The following POMT1 variants were observed in gnomAD, a reference collection of about 807,000 sequenced individuals.
The protein encoded by POMT1 is protein O-mannosyltransferase 1, also known as protein O-mannosyl-transferase 1.
POMT1 carries 85 observed loss-of-function variants against 101.6 expected under a neutral mutation model. The ratio of observed to expected loss-of-function variants is 0.84; its 90% confidence interval spans 0.70 to 1.00. The LOEUF is 1.00. POMT1 is among the 50% of genes least tolerant of loss of function. POMT1 has a pLI of 0.00. For synonymous variants in POMT1, 371 were observed against 383.0 expected (o/e 0.97, Z 0.37); for missense variants, 857 against 930.4 (o/e 0.92, Z 1.03).
rs748365119 is a variant in POMT1, at chr9:131,518,933, G to A, written c.1462G>A (p.Val488Met). ...RGYHGSTVWN[V>M]EEHRYGASQE... ...CTACCACGGGAGCACGGTGTGGAAC[G>A]TGGAGGAGCACCGATACGGCGCGAG... Residue 488 changes from valine (V) to methionine (M), a missense_variant, in exon 15 of 20, where the codon GTG becomes ATG. Coordinates refer to ENST00000402686, the MANE Select transcript of POMT1 (RefSeq NM_001077365.2). 9.3e-6 allele frequency: 15 copies of A among 1,613,570 alleles called. No homozygotes were observed. Among genetic ancestry groups the A allele is most frequent in the Admixed American group, 1.7e-5 (1 of 60,000 alleles).
At chr9:131,510,519 C>G (rs1289099449) in intron 9 of POMT1, 104 bp downstream of exon 9, 9 of 1,397,702 alleles carry the variant, frequency 6.4e-6, no homozygotes, top group Non-Finnish European at 8.9e-6. Flanking sequence ...TGAATCAAAA[C>G]ATGAAGAATC....
chr9:131,511,593 G>A (rs1947125609), intron 10 of POMT1, 126 bp downstream of exon 10: 5 of 1,328,946 alleles, frequency 3.8e-6, no homozygotes, highest in East Asian at 2.4e-5. Flanking sequence ...TGAGCAGCCC[G>A]GGTGCTGATT....
At chr9:131,515,062 A>G (rs912671596) in intron 12 of POMT1, among the ~76,000 whole-genome samples, 1 of 152,252 alleles carries the variant, frequency 6.6e-6, no homozygotes, top group Non-Finnish European at 1.5e-5. Flanking sequence ...CGGGCAGCTC[A>G]GCCCTGCAAG....
intron 13 of POMT1, 134 bp downstream of exon 13, chr9:131,515,656 C>A (rs1385822234): frequency 1.2e-6 from 1 of 821,178 alleles, no homozygotes; most frequent in Non-Finnish European, 2.0e-6. Flanking sequence ...CGGAGCACTT[C>A]CTCTAACACG....
In POMT1 at chr9:131,503,911, T is replaced by C. The variant is rs919031586; in HGVS notation, c.-30-278T>C. Among the ~76,000 whole-genome samples, 3 of 152,140 alleles carry C rather than the reference T, an allele frequency of 2.0e-5. No individual in the cohort carries two copies. Among genetic ancestry groups the C allele is most frequent in the African/African-American group, 7.2e-5 (3 of 41,418 alleles). On this transcript the variant is annotated intron_variant, in intron 1 of 19. Transcript: ENST00000402686. The surrounding 1 kb of genome is among the most constrained non-coding windows in gnomAD (Gnocchi z 4.4). ...GAAACCCTGGCGTTCCTTAGCAGTG[T>C]TCTCGCGCCCAAGACGTGCTCGGCA...
intron 13 of POMT1, among the ~76,000 whole-genome samples, chr9:131,517,179 T>A (rs1370445016): frequency 6.6e-6 from 1 of 151,756 alleles, no homozygotes; most frequent in African/African-American, 2.4e-5. Flanking sequence ...TTGACAGAGT[T>A]AGCACCACGT....
At chr9:131,504,747 A>ATATATG (rs56692415) in intron 2 of POMT1, among the ~76,000 whole-genome samples, 1 of 122,700 alleles carries the variant, frequency 8.1e-6, no homozygotes, top group Non-Finnish European at 1.7e-5. Context: ...TAACTGATTA[A>ATATATG]TGTGTGTATG....
rs1946840541 is a variant in POMT1, at chr9:131,510,331, G to A, written c.771G>A (p.Leu257=). ...TCATCCCGGTCGTCCTGTACTTACT[G>A]TTCTTCTACGTCCACTTGATTCTAG... ...LLVIPVVLYL[L]FFYVHLILVF... The change falls in exon 9 of 20, where the codon CTG becomes CTA. Residue 257 remains leucine (L), a synonymous_variant. Transcript: ENST00000402686. The A allele has an allele frequency of 1.2e-6, 2 of 1,614,198 alleles. No homozygotes were observed. The highest frequency in any genetic ancestry group is 1.7e-6 in the Non-Finnish European group (2 of 1,180,020).
intron 4 of POMT1, among the ~76,000 whole-genome samples, chr9:131,507,124 C>T (rs1224463455): frequency 1.3e-5 from 2 of 151,856 alleles, no homozygotes; most frequent in African/African-American, 4.8e-5. Flanking sequence ...ATAAGTAAGG[C>T]GGTAAATTTT....
intron 13 of POMT1, 127 bp from the exon 14 acceptor site, chr9:131,518,318 C>T: frequency 1.1e-6 from 1 of 878,484 alleles, no homozygotes; most frequent in Admixed American, 1.7e-5. Context: ...TATAGCTTCC[C>T]TCACTTGGGG....
chr9:131,510,366 C>G lies in POMT1; in HGVS notation c.806C>G (p.Ser269Cys). The G allele has an allele frequency of 1.9e-6, 3 of 1,614,214 alleles. No individual in the cohort carries two copies. Among genetic ancestry groups the G allele is most frequent in the Non-Finnish European group, 2.5e-6 (3 of 1,180,036 alleles). Residue 269 changes from serine to cysteine, a missense_variant, in exon 9 of 20, where the codon TCT (serine) becomes TGT (cysteine). Physicochemically the swap from Ser to Cys is moderately radical, Grantham distance 112 (BLOSUM62 -1). Coordinates refer to ENST00000402686, the MANE Select transcript of POMT1 (RefSeq NM_001077365.2). ...GTCCACTTGATTCTAGTCTTCCGCT[C>G]TGGGCCCCACGACCAAATCATGTCC... ...FYVHLILVFR[S>C]GPHDQIMSSA... is the part of the protein sequence containing the mutation.
intron 12 of POMT1, among the ~76,000 whole-genome samples, chr9:131,515,205 G>C (rs1948043723): frequency 6.6e-6 from 1 of 152,172 alleles, no homozygotes; most frequent in Non-Finnish European, 1.5e-5. Context: ...CTTTTCTTTT[G>C]GAGATGTTCC....
Position 131,503,590 on chromosome 9 carries a change from G to C in POMT1, c.-31+517G>C, listed in dbSNP as rs1216483849. Among the ~76,000 whole-genome samples the C allele has an allele frequency of 6.6e-6, 1 of 152,350 alleles. No homozygotes were observed. Among genetic ancestry groups the C allele is most frequent in the South Asian group, 2.1e-4 (1 of 4,828 alleles). Reference sequence around the variant, plus strand: ...GACAGGGTGTCCCAGGCCTGATGCAGCCTCAAGAGAAGCGGAGCTCAAGGG... The same window carrying C: ...GACAGGGTGTCCCAGGCCTGATGCACCCTCAAGAGAAGCGGAGCTCAAGGG... On this transcript the variant is annotated intron_variant, in intron 1 of 19. Transcript: ENST00000402686. The surrounding 1 kb of genome is among the most constrained non-coding windows in gnomAD (Gnocchi z 4.4).
chr9:131,509,104 T>TTTTTG (rs1946510876), intron 6 of POMT1, 82 bp downstream of exon 6: 17 of 972,288 alleles, frequency 1.7e-5, no homozygotes, highest in Admixed American at 1.4e-4. Flanking sequence ...CCAGTACCTT[T>TTTTTG]TTTTGTTTCG....
rs1375280631 is a variant in POMT1 at position 131,512,074 on chromosome 9, A to G, written c.1020A>G (p.Gln340=). 1.9e-6 allele frequency: 3 copies of G among 1,614,150 alleles called. No individual in the cohort carries two copies. The highest frequency in any genetic ancestry group is 2.5e-6 in the Non-Finnish European group (3 of 1,180,016). Residue 340 remains glutamine, a synonymous_variant, in exon 11 of 20, where the codon CAA becomes CAG. Transcript: ENST00000402686. ...ACGGCCGAGGCAGCTCCCACCAGCA[A>G]CAGGTGACCTGTTACCCCTTCAAAG... ...YENGRGSSHQ[Q]QVTCYPFKDV...
Position 131,509,020 on chromosome 9 carries a change from C to A in POMT1, c.537C>A (p.His179Gln), listed in dbSNP as rs1946482954. Residue 179 changes from histidine to glutamine, a missense_variant and splice_region_variant, in exon 6 of 20, where the codon CAC (histidine) becomes CAA (glutamine). Coordinates refer to ENST00000402686, the MANE Select transcript of POMT1 (RefSeq NM_001077365.2). The stretch of plus-strand genomic sequence containing the variant: ...TGAAGTTCTTCAACTGCCAAAAGCA[C>A]AGGTATGGAAAATGGAGTGTCTTCC... ...SYLKFFNCQK[H>Q]SPFSLSWWFW... 6.3e-7 allele frequency: 1 copy of A among 1,599,582 alleles called. No individual in the cohort carries two copies. The highest frequency in any genetic ancestry group is 2.2e-5 in the East Asian group (1 of 44,824).
Position 131,509,789 on chromosome 9 carries a change from G to A in POMT1, c.586G>A (p.Ala196Thr), listed in dbSNP as rs199498900. The change falls in exon 7 of 20, where the codon GCT becomes ACT. Residue 196 changes from alanine (A) to threonine (T), a missense_variant. Ala to Thr is a moderately conservative substitution (Grantham distance 58). Transcript: ENST00000402686. Reference protein sequence around the residue: ...WWFWLTLTGVACSCAVGIKYM... With the variant: ...WWFWLTLTGVTCSCAVGIKYM... ...GTTCTGGCTAACACTGACAGGGGTC[G>A]CTTGTTCCTGTGCAGTGGGGTGAGT... 152 of 1,614,202 alleles carry A rather than the reference G, an allele frequency of 9.4e-5. 1 individual carries two copies. The Admixed American group carries it at 1.4e-3, about 15-fold the overall frequency.
chr9:131,520,540 C>T (rs1483154643), intron 17 of POMT1, among the ~76,000 whole-genome samples: 2 of 152,212 alleles, frequency 1.3e-5, no homozygotes, highest in African/African-American at 4.8e-5. Context: ...TGCCGTCTCT[C>T]CACCCGGCAG....
chr9:131,504,381 G>C (rs1286243380), intron 2 of POMT1, 41 bp downstream of exon 2: 2 of 1,614,084 alleles, frequency 1.2e-6, no homozygotes, highest in Non-Finnish European at 1.7e-6. Context: ...ATCTAGAATT[G>C]TACTTTGTGA....
Sources: allele counts gnomAD v4.1 joint callset (sites outside exome capture counted in the v4.1 genomes callset), GRCh38; gene constraint gnomAD v4.1.1; non-coding constraint Gnocchi (gnomAD v3.1); transcripts MANE v1.5; gene names NCBI Gene and HGNC (gene_info 2026-07-23, HGNC 2026-07-21).